Variants in SETDB1 observed in about 807,000 individuals in gnomAD.
SETDB1 encodes SET domain bifurcated histone lysine methyltransferase 1.
SETDB1 carries 31 observed loss-of-function variants against 137.4 expected under a neutral mutation model. The observed-to-expected ratio is 0.23, with a 90% CI of 0.17 to 0.30. SETDB1 has a LOEUF of 0.30. Among genes scored for constraint, SETDB1 ranks in the 10% least tolerant of loss-of-function variants. The pLI, the probability that SETDB1 is intolerant of heterozygous loss-of-function variation, is 1.00. For synonymous variants in SETDB1, 548 were observed against 579.9 expected (o/e 0.95, Z 0.79); for missense variants, 1,113 against 1,631.5 (o/e 0.68, Z 5.47).
intron 14 of SETDB1, among the ~76,000 whole-genome samples, chr1:150,955,494 CCTT>C (rs899336842): frequency 3.3e-5 from 5 of 152,180 alleles, no homozygotes; most frequent in South Asian, 2.1e-4. Context: ...ACATGCTGTG[CCTT>C]CTTCTTGGCA....
intron 14 of SETDB1, among the ~76,000 whole-genome samples, chr1:150,951,963 C>T (rs1670499468): frequency 2.0e-5 from 3 of 151,900 alleles, no homozygotes; most frequent in Non-Finnish European, 4.4e-5. Flanking sequence ...GCCTGGCCAA[C>T]CTGGTGAAAC....
At chr1:150,959,847 G>A (rs1317946341) in intron 15 of SETDB1, among the ~76,000 whole-genome samples, 1 of 152,146 alleles carries the variant, frequency 6.6e-6, no homozygotes. Context: ...CGAAGTGGGT[G>A]GATCACCTGA....
Position 150,949,103 on chromosome 1 carries a change from A to G in SETDB1, c.1268-19A>G, listed in dbSNP as rs1670420024. ...CATAGCTATCATCTTCTCAGTGCTC[A>G]ATTTCCTTTTTCCTATAGGTGCTGT... On this transcript the variant is annotated intron_variant, in intron 10 of 21. Transcript: ENST00000692827. 6.2e-7 allele frequency: 1 copy of G among 1,606,600 alleles called. No individual in the cohort carries two copies. Among genetic ancestry groups the G allele is most frequent in the East Asian group, 2.2e-5 (1 of 44,728 alleles).
chr1:150,953,344 G>A lies in SETDB1; in HGVS notation c.2333+1863G>A, dbSNP rs901925833. On this transcript the variant is annotated intron_variant, in intron 14 of 21. Transcript: ENST00000692827. Reference sequence around the variant, plus strand: ...GTTCAAGACCAGCCTGGCCAATATGGTGAAACCCCATCTCTACTAAAAATA... The same window carrying A: ...GTTCAAGACCAGCCTGGCCAATATGATGAAACCCCATCTCTACTAAAAATA... Among the ~76,000 whole-genome samples, 5 of 152,120 alleles carry A rather than the reference G, an allele frequency of 3.3e-5. No individual in the cohort carries two copies. The South Asian group carries it at 1.0e-3, about 32-fold the overall frequency.
intron 14 of SETDB1, among the ~76,000 whole-genome samples, chr1:150,951,766 T>A (rs151295045): frequency 6.6e-6 from 1 of 152,322 alleles, no homozygotes; most frequent in East Asian, 1.9e-4. Flanking sequence ...CTTAACAGAT[T>A]GTGATTTACA....
chr1:150,929,146 C>G (rs935367388), intron 2 of SETDB1, among the ~76,000 whole-genome samples: 5 of 152,188 alleles, frequency 3.3e-5, no homozygotes, highest in African/African-American at 9.6e-5. Context: ...ATTTCTAGTT[C>G]TAGATCCTTG....
intron 1 of SETDB1, among the ~76,000 whole-genome samples, chr1:150,927,168 C>A (rs1669553514): frequency 6.6e-6 from 1 of 152,166 alleles, no homozygotes; most frequent in Non-Finnish European, 1.5e-5. Flanking sequence ...CACTTTGTCA[C>A]CCAAGCTGGA....
chr1:150,937,267 A>G (rs1297114212), intron 3 of SETDB1, among the ~76,000 whole-genome samples: 1 of 152,070 alleles, frequency 6.6e-6, no homozygotes, highest in Non-Finnish European at 1.5e-5. Context: ...AGTCACAAAA[A>G]GACAAATGAT....
Position 150,944,981 on chromosome 1 carries a change from C to T in SETDB1, c.1013C>T (p.Thr338Ile), listed in dbSNP as rs1418248728. The part of the protein sequence containing the change: ...SCRDFIEEYV[T>I]AYPNRPMVLL... Reference sequence around the variant, plus strand: ...CGTGACTTCATAGAGGAGTATGTCACTGCCTACCCCAACCGCCCCATGGTA... The same window carrying T: ...CGTGACTTCATAGAGGAGTATGTCATTGCCTACCCCAACCGCCCCATGGTA... Residue 338 changes from threonine to isoleucine, a missense_variant, in exon 9 of 22, where the codon ACT (threonine) becomes ATT (isoleucine). Physicochemically the swap from Thr to Ile is moderately conservative, Grantham distance 89 (BLOSUM62 -1). Coordinates refer to ENST00000692827, the MANE Select transcript of SETDB1 (RefSeq NM_001366418.1). 1 of 1,613,932 alleles carries T rather than the reference C, an allele frequency of 6.2e-7. No individual in the cohort carries two copies. The highest frequency in any genetic ancestry group is 8.5e-7 in the Non-Finnish European group (1 of 1,179,970).
chr1:150,931,261 C>CAAAAAAAAAAAAAAAAAAAAAAA (rs767694682), intron 3 of SETDB1, among the ~76,000 whole-genome samples: 1 of 67,480 alleles, frequency 1.5e-5, no homozygotes. Context: ...CTCTTGTCTT[C>CAAAAAAAAAAAAAAAAAAAAAAA]AAAAAAAAAA....
chr1:150,964,369 C>T lies in SETDB1; in HGVS notation c.*5C>T, dbSNP rs774030576. 4 of 1,594,814 alleles carry T rather than the reference C, an allele frequency of 2.5e-6. No individual in the cohort carries two copies. Among genetic ancestry groups the T allele is most frequent in the Admixed American group, 1.7e-5 (1 of 59,850 alleles). On this transcript the variant is annotated 3_prime_UTR_variant, in exon 22 of 22. Transcript: ENST00000692827. ...TGCAGAGGACGTCTTCTTTAGAGGA[C>T]AGCCTTCTTCCCAACCCTTCTTGAA...
chr1:150,948,729 CT>C (rs994453223), intron 10 of SETDB1, among the ~76,000 whole-genome samples: 64 of 142,582 alleles, frequency 4.5e-4, no homozygotes, highest in Admixed American at 4.2e-4. Flanking sequence ...TCCATTGCTG[CT>C]TTTTTTTTTT....
chr1:150,962,800 C>T, intron 18 of SETDB1, 81 bp downstream of exon 18: 1 of 1,505,080 alleles, frequency 6.6e-7, no homozygotes, highest in Non-Finnish European at 9.2e-7. Context: ...ACTATAATTA[C>T]TGTTAGGTCT....
chr1:150,944,068 A>C (rs767384341), intron 8 of SETDB1, 75 bp downstream of exon 8: 2 of 1,021,468 alleles, frequency 2.0e-6, no homozygotes. Flanking sequence ...ATCCAGTTGA[A>C]AAGCCCTAGT....
At chr1:150,930,836 A>G (rs587661796) in intron 3 of SETDB1, among the ~76,000 whole-genome samples, 25 of 152,006 alleles carry the variant, frequency 1.6e-4, no homozygotes, top group African/African-American at 5.5e-4. Flanking sequence ...GCACCCAGCC[A>G]ATTCCTTAGG....
chr1:150,948,191 T>G (rs1490030749), intron 10 of SETDB1, among the ~76,000 whole-genome samples: 1 of 151,708 alleles, frequency 6.6e-6, no homozygotes, highest in Non-Finnish European at 1.5e-5. Flanking sequence ...GTCACACCGC[T>G]GCACTTCAGC....
intron 2 of SETDB1, chr1:150,928,182 C>G: frequency 1.8e-6 from 1 of 562,286 alleles, no homozygotes; most frequent in Non-Finnish European, 3.1e-6. Context: ...CTCCCCCTCC[C>G]GAGTAGCTGG....
intron 2 of SETDB1, 42 bp from the exon 3 acceptor site, chr1:150,929,925 C>G: frequency 6.4e-7 from 1 of 1,569,728 alleles, no homozygotes; most frequent in Non-Finnish European, 8.7e-7. Flanking sequence ...CTCTTAATTC[C>G]TCTACTGGCT....
At chr1:150,939,892 T>A in intron 3 of SETDB1, 48 bp from the exon 4 acceptor site, 1 of 1,432,594 alleles carries the variant, frequency 7.0e-7, no homozygotes, top group South Asian at 1.2e-5. Context: ...TCCCAGAAGT[T>A]CCTCTGTGTA....
Sources: allele counts gnomAD v4.1 joint callset (sites outside exome capture counted in the v4.1 genomes callset), GRCh38; gene constraint gnomAD v4.1.1; transcripts MANE v1.5; gene names NCBI Gene and HGNC (gene_info 2026-07-23, HGNC 2026-07-21).